The following FGF13 variants were observed in gnomAD, a reference collection of about 807,000 sequenced individuals.
FGF13 encodes fibroblast growth factor 13, also known as fibroblast growth factor homologous factor 2.
In FGF13, 2 loss-of-function variants were observed where a neutral mutation model predicts 19.5. The ratio of observed to expected loss-of-function variants is 0.10; its 90% CI spans 0.04 to 0.32. The LOEUF (loss-of-function observed/expected upper bound fraction) is 0.32. Ranked by LOEUF, FGF13 falls within the 10% of genes least tolerant of loss-of-function variation. FGF13 has a pLI of 1.00. For synonymous variants in FGF13, 72 were observed against 76.9 expected (o/e 0.94, Z 0.33); for missense variants, 113 against 192.7 (o/e 0.59, Z 2.45).
intron 1 of FGF13, among the ~76,000 whole-genome samples, chrX:138,730,416 T>C (rs1185423563): frequency 9.0e-6 from 1 of 111,459 alleles, no homozygotes; most frequent in Non-Finnish European, 1.9e-5. Context: ...ATAATAAAAT[T>C]GTAATGAGAG....
chrX:138,729,459 T>G (rs1427445421), intron 1 of FGF13, among the ~76,000 whole-genome samples: 1 of 110,001 alleles, frequency 9.1e-6, no homozygotes, highest in Non-Finnish European at 1.9e-5. Context: ...GAAAACAAAG[T>G]ATCCAAATGC....
At chrX:139,030,410 A>T (rs2092222045) in intron 1 of FGF13, among the ~76,000 whole-genome samples, 1 of 111,600 alleles carries the variant, frequency 9.0e-6, no homozygotes, top group South Asian at 3.8e-4. Flanking sequence ...ATTTGTATTT[A>T]TGTGTGCCTG....
At chrX:138,966,200 G>A (rs1195938026) in intron 1 of FGF13, among the ~76,000 whole-genome samples, 2 of 111,748 alleles carry the variant, frequency 1.8e-5, no homozygotes, top group Non-Finnish European at 3.8e-5. Context: ...TTCCCACTGG[G>A]GTATTGCCTA....
chrX:139,132,768 A>G (rs2083770398), intron 1 of FGF13, among the ~76,000 whole-genome samples: 1 of 112,599 alleles, frequency 8.9e-6, no homozygotes, highest in African/African-American at 3.2e-5. Flanking sequence ...CTTAAACATA[A>G]GAATGACAGA....
chrX:139,171,751 AT>A lies in FGF13; in HGVS notation c.-113+31664del, dbSNP rs1251327133. On this transcript the variant is annotated intron_variant, in intron 1 of 2. Transcript: ENST00000421460. ...GTAGGCCTGAGGACTTATCACAGAT[AT>A]GTGAAAGAGTGTGCTAATTGTTTTC... Among the ~76,000 whole-genome samples the A allele has an allele frequency of 2.7e-5, 3 of 112,689 alleles. No homozygotes were observed. The Admixed American group carries it at 2.8e-4, about 11-fold the overall frequency.
intron 1 of FGF13, among the ~76,000 whole-genome samples, chrX:139,039,323 C>T (rs1218853961): frequency 8.9e-6 from 1 of 111,878 alleles, no homozygotes; most frequent in Non-Finnish European, 1.9e-5. Flanking sequence ...TCAGTTGAGC[C>T]TGAAGGCAAA....
chrX:138,999,258 A>C (rs1273622977), intron 1 of FGF13, among the ~76,000 whole-genome samples: 1 of 112,138 alleles, frequency 8.9e-6, no homozygotes, highest in East Asian at 2.8e-4. Flanking sequence ...TGATACTCTC[A>C]CATCACAATT....
chrX:138,788,465 G>A (rs2090712407), intron 3 of FGF13, among the ~76,000 whole-genome samples: 2 of 112,320 alleles, frequency 1.8e-5, no homozygotes, highest in African/African-American at 6.5e-5. Flanking sequence ...CTAAGGCTCT[G>A]GGTATCCCAT....
chrX:138,986,993 G>A (rs928298000), intron 1 of FGF13, among the ~76,000 whole-genome samples: 7 of 111,715 alleles, frequency 6.3e-5, no homozygotes, highest in African/African-American at 2.3e-4. Context: ...AACAAAACCT[G>A]AAAAACCTTC....
At position 139,154,152 on chromosome X, in the gene FGF13, C is replaced by T. The variant is rs192078306; in HGVS notation, c.-113+49264G>A. Among the ~76,000 whole-genome samples the T allele has an allele frequency of 4.0e-3, 450 of 111,758 alleles. 2 individuals carry two copies. The highest frequency in any genetic ancestry group is 0.013 in the African/African-American group (393 of 30,749). ...CCTGAAATCTAACACCCCATGACTA[C>T]CCCCTTGTATATGCACACATAGGTC... On this transcript the variant is annotated intron_variant, in intron 1 of 2. Transcript: ENST00000421460.
chrX:139,178,242 C>T (rs1388891036), intron 1 of FGF13, among the ~76,000 whole-genome samples: 1 of 112,444 alleles, frequency 8.9e-6, no homozygotes, highest in African/African-American at 3.2e-5. Flanking sequence ...CTATACTTGG[C>T]TATGCCAAAA....
rs1318498960 is a variant in FGF13, at chrX:138,710,953, G to A, written c.51C>T (p.Arg17=). The A allele has an allele frequency of 8.3e-7, 1 of 1,211,706 alleles. No homozygotes were observed. Among genetic ancestry groups the A allele is most frequent in the Non-Finnish European group, 1.1e-6 (1 of 895,565 alleles). ...SSLIRQKRQA[R]EREKSNACKC... is the part of the protein sequence containing the mutation. ...TGCAGGCGTTGGATTTCTCGCGCTC[G>A]CGGGCTTGCCTCTTCTGACGGATGA... The change falls in exon 1 of 5, where the codon CGC becomes CGT. Residue 17 remains arginine, a synonymous_variant. Coordinates refer to ENST00000315930, the MANE Select transcript of FGF13 (RefSeq NM_004114.5).
intron 1 of FGF13, among the ~76,000 whole-genome samples, chrX:139,162,616 T>G (rs896290594): frequency 1.2e-4 from 13 of 111,655 alleles, no homozygotes; most frequent in African/African-American, 3.9e-4. Context: ...CCTACAGAAT[T>G]GGAGAAAATT....
At chrX:139,089,665 A>C (rs945809397) in intron 1 of FGF13, among the ~76,000 whole-genome samples, 3 of 111,686 alleles carry the variant, frequency 2.7e-5, no homozygotes, top group African/African-American at 9.8e-5. Context: ...AATTTCCTCA[A>C]TTTCTCTATG....
chrX:138,857,562 A>C (rs2091265268), exon 3 of FGF13: 2 of 1,208,172 alleles, frequency 1.7e-6, no homozygotes, highest in Non-Finnish European at 2.2e-6. Flanking sequence ...CGGGCAGCAG[A>C]AGATTTCGTG....
chrX:138,860,397 A>G (rs1227328976), intron 2 of FGF13, among the ~76,000 whole-genome samples: 1 of 111,444 alleles, frequency 9.0e-6, no homozygotes, highest in Non-Finnish European at 1.9e-5. Flanking sequence ...CAGCTTTATG[A>G]AGGGAAAAGG....
rs1251925989 is a variant in FGF13, at chrX:139,028,608, TGTGTGTGTGAGA to T, written c.-112-163970_-112-163959del. ...GTGTGTGTGTGTGTGTGTGTGTGTG[TGTGTGTGTGAGA>T]GAGAGAGAGAGAGAGTGTGTGTGTG... On this transcript the variant is annotated intron_variant, in intron 1 of 2. Coordinates refer to the FGF13 transcript ENST00000421460. Among the ~76,000 whole-genome samples the T allele has an allele frequency of 1.6e-4, 9 of 57,158 alleles. No homozygotes were observed. The East Asian group carries it at 1.6e-3, about 10-fold the overall frequency. 49.6% of individuals were successfully genotyped at this position (57,158 alleles called of 115,157 possible). A position where few individuals can be genotyped will look rare whatever the true frequency, so the allele number is the denominator to read the frequency against.
At chrX:138,667,605 G>T (rs2089563995) in intron 3 of FGF13, 2 of 332,729 alleles carry the variant, frequency 6.0e-6, no homozygotes, top group South Asian at 5.3e-5. Context: ...CATAGAAGAG[G>T]ATCAGTTGAA....
At chrX:138,641,880 T>C (rs2089254825) in intron 3 of FGF13, among the ~76,000 whole-genome samples, 1 of 111,887 alleles carries the variant, frequency 8.9e-6, no homozygotes, top group African/African-American at 3.3e-5. Context: ...TGCTGGACTA[T>C]TAGATACTTG....
Sources: allele counts gnomAD v4.1 joint callset (sites outside exome capture counted in the v4.1 genomes callset), GRCh38; gene constraint gnomAD v4.1.1; transcripts MANE v1.5; gene names NCBI Gene and HGNC (gene_info 2026-07-23, HGNC 2026-07-21).